The following TENM3 variants were observed in gnomAD, a reference collection of about 807,000 sequenced individuals.
TENM3 encodes the protein teneurin transmembrane protein 3.
Under a neutral mutation model 255.1 loss-of-function variants are expected in TENM3, and 63 were observed. The observed-to-expected ratio is 0.25, with a 90% confidence interval of 0.20 to 0.30. TENM3 has a LOEUF of 0.30. TENM3 is among the 10% of genes least tolerant of loss of function. The pLI, the probability that TENM3 is intolerant of heterozygous loss-of-function variation, is 1.00. For missense variants in TENM3, 2,929 were observed against 3,461.1 expected (o/e 0.85, Z 3.86); for synonymous variants, 1,306 against 1,322.3 (o/e 0.99, Z 0.27).
At chr4:181,964,434 G>A in the TENM3 span, among the ~76,000 whole-genome samples, 4 of 151,984 alleles carry the variant, frequency 2.6e-5, no homozygotes, top group African/African-American at 4.8e-5. Flanking sequence ...TTTCATACAC[G>A]TTCTGTTTGA....
intron 12 of TENM3, among the ~76,000 whole-genome samples, chr4:182,697,164 T>A (rs1757493100): frequency 6.6e-6 from 1 of 152,184 alleles, no homozygotes; most frequent in African/African-American, 2.4e-5. Flanking sequence ...CATAACAAAC[T>A]GACTGTGACT....
At chr4:182,634,356 A>G (rs897173887) in intron 5 of TENM3, among the ~76,000 whole-genome samples, 2 of 152,170 alleles carry the variant, frequency 1.3e-5, no homozygotes, top group Non-Finnish European at 2.9e-5. Flanking sequence ...AGGCCCTATT[A>G]GGATAGAGGA....
the TENM3 span, among the ~76,000 whole-genome samples, chr4:181,853,754 G>A: frequency 2.6e-5 from 4 of 152,138 alleles, no homozygotes; most frequent in Admixed American, 6.5e-5. Context: ...TATACTGGGG[G>A]AAAAAACGGT....
chr4:182,545,278 A>G (rs559478429), intron 3 of TENM3, among the ~76,000 whole-genome samples: 1 of 152,172 alleles, frequency 6.6e-6, no homozygotes, highest in Admixed American at 6.5e-5. Flanking sequence ...GTTTGTAAGA[A>G]CTCATTAATA....
the TENM3 span, among the ~76,000 whole-genome samples, chr4:182,087,914 T>C: frequency 1.3e-5 from 2 of 152,170 alleles, no homozygotes; most frequent in Non-Finnish European, 2.9e-5. Flanking sequence ...GAGTCTGTCA[T>C]TCATCTTTGT....
chr4:182,749,671 A>C (rs1762240421), intron 19 of TENM3, among the ~76,000 whole-genome samples: 1 of 152,250 alleles, frequency 6.6e-6, no homozygotes, highest in Admixed American at 6.5e-5. Flanking sequence ...CAGCATGCCC[A>C]GATCATACAT....
chr4:181,876,022 A>G, the TENM3 span, among the ~76,000 whole-genome samples: 25,611 of 152,200 alleles, frequency 0.17, 2,748 homozygotes, highest in East Asian at 0.56. Flanking sequence ...TTAAAGGTAC[A>G]ATGTCCTCTG....
intron 1 of TENM3, among the ~76,000 whole-genome samples, chr4:182,162,556 A>G (rs1751425401): frequency 6.6e-6 from 1 of 152,162 alleles, no homozygotes; most frequent in Non-Finnish European, 1.5e-5. Context: ...GGTATTCTGA[A>G]CACTCTCTTA....
chr4:182,653,667 G>T, intron 5 of TENM3, 104 bp from the exon 6 acceptor site: 2 of 1,285,670 alleles, frequency 1.6e-6, no homozygotes, highest in South Asian at 1.7e-5. Context: ...TCAGAAAATG[G>T]AAATTGTAAC....
the TENM3 span, among the ~76,000 whole-genome samples, chr4:181,775,864 T>C: frequency 6.6e-6 from 1 of 152,216 alleles, no homozygotes; most frequent in African/African-American, 2.4e-5. Context: ...TTTGTCATTA[T>C]CAAATTAGAG....
the TENM3 span, among the ~76,000 whole-genome samples, chr4:181,512,393 C>CTT: frequency 2.6e-5 from 4 of 152,170 alleles, no homozygotes; most frequent in Non-Finnish European, 5.9e-5. Flanking sequence ...AGAGCCCCCT[C>CTT]TTTTTTTCTT....
Position 182,745,211 on chromosome 4 carries a change from G to A in TENM3, c.3629+1792G>A, listed in dbSNP as rs1761919736. Among the ~76,000 whole-genome samples the A allele has an allele frequency of 1.3e-5, 2 of 152,204 alleles. 1 individual carries two copies. The highest frequency in any genetic ancestry group is 4.1e-4 in the South Asian group (2 of 4,830). On this transcript the variant is annotated intron_variant, in intron 19 of 27. Coordinates refer to ENST00000511685, the MANE Select transcript of TENM3 (RefSeq NM_001080477.4). Reference sequence around the variant, plus strand: ...AAAGATGGATAGCTGTCGCATATCAGGGTGACCAAACCTGGCCCCATGATC... The same window carrying A: ...AAAGATGGATAGCTGTCGCATATCAAGGTGACCAAACCTGGCCCCATGATC...
chr4:181,967,798 C>G, the TENM3 span, among the ~76,000 whole-genome samples: 4 of 152,120 alleles, frequency 2.6e-5, no homozygotes, highest in African/African-American at 7.2e-5. Context: ...CAACTCAGAG[C>G]CACCGACGTG....
At chr4:182,167,153 C>T (rs964038409) in intron 1 of TENM3, among the ~76,000 whole-genome samples, 2 of 152,136 alleles carry the variant, frequency 1.3e-5, no homozygotes, top group African/African-American at 2.4e-5. Flanking sequence ...TGCTGGTGCT[C>T]AAGCTAACTG....
chr4:181,522,348 A>C, the TENM3 span, among the ~76,000 whole-genome samples: 38 of 152,142 alleles, frequency 2.5e-4, no homozygotes, highest in African/African-American at 8.2e-4. Context: ...TCTGTTCTCA[A>C]GCTTCTAAAA....
chr4:181,867,208 C>T, the TENM3 span, among the ~76,000 whole-genome samples: 1 of 152,140 alleles, frequency 6.6e-6, no homozygotes, highest in Non-Finnish European at 1.5e-5. Flanking sequence ...CACAGTTTCA[C>T]CTCAGTTCCA....
intron 1 of TENM3, among the ~76,000 whole-genome samples, chr4:182,158,510 C>T (rs1750873423): frequency 1.3e-5 from 2 of 152,144 alleles, no homozygotes; most frequent in Non-Finnish European, 2.9e-5. Context: ...ATCTTGAATG[C>T]CATCCTCTTC....
At chr4:182,195,808 T>C (rs1171822241) in intron 1 of TENM3, among the ~76,000 whole-genome samples, 1 of 152,180 alleles carries the variant, frequency 6.6e-6, no homozygotes, top group African/African-American at 2.4e-5. Flanking sequence ...TTATAAACAT[T>C]AACTCACTTA....
At chr4:182,126,158 C>T in the TENM3 span, among the ~76,000 whole-genome samples, 9 of 152,084 alleles carry the variant, frequency 5.9e-5, no homozygotes, top group African/African-American at 4.8e-5. Flanking sequence ...AAGATATTTT[C>T]GAGTGGCATT....
Sources: allele counts gnomAD v4.1 joint callset (sites outside exome capture counted in the v4.1 genomes callset), GRCh38; gene constraint gnomAD v4.1.1; transcripts MANE v1.5; gene names NCBI Gene and HGNC (gene_info 2026-07-23, HGNC 2026-07-21).